The following NLRP9 variants were observed in gnomAD, a reference collection of about 807,000 sequenced individuals.
The protein encoded by NLRP9 is NLR family pyrin domain containing 9.
NLRP9 carries 88 observed loss-of-function variants against 83.1 expected under a neutral mutation model. That is an observed-to-expected ratio of 1.06 (90% CI 0.89 to 1.26). The LOEUF is 1.26. Among genes scored for constraint, NLRP9 ranks in the 50% most tolerant of loss-of-function variants. NLRP9 has a pLI of 0.00. For missense variants in NLRP9, 1,308 were observed against 1,179.3 expected (o/e 1.11, Z -1.60); for synonymous variants, 521 against 447.6 (o/e 1.16, Z -2.07).
chr19:55,731,887 C>G (rs1600141445), intron 2 of NLRP9, 112 bp downstream of exon 2: 3 of 661,538 alleles, frequency 4.5e-6, no homozygotes, highest in East Asian at 5.6e-5. Flanking sequence ...CTTTCTGACT[C>G]CGACCTCCAT....
rs140138279 is a variant in NLRP9 at position 55,719,290 on chromosome 19, T to A, written c.2160-2392A>T. ...ACCTCAGCCTCCCAACTAGCTGGGA[T>A]TACAGGCACCTGCCACCACACCCGG... On this transcript the variant is annotated intron_variant, in intron 4 of 8. Coordinates refer to ENST00000332836, the MANE Select transcript of NLRP9 (RefSeq NM_176820.4). 5.6e-4 allele frequency among the ~76,000 whole-genome samples: 86 copies of A among 152,280 alleles called. 1 individual carries two copies. The East Asian group carries it at 0.015, about 26-fold the overall frequency.
chr19:55,714,582 C>G (rs1223081662), intron 6 of NLRP9, among the ~76,000 whole-genome samples: 1 of 149,954 alleles, frequency 6.7e-6, no homozygotes, highest in Non-Finnish European at 1.5e-5. Flanking sequence ...ATAGCCTCAT[C>G]TGGATTTTTT....
chr19:55,711,857 G>T lies in NLRP9; in HGVS notation c.2786C>A (p.Ala929Glu). ...NLDWIALDAD[A>E]VVVLCEALSH... The stretch of plus-strand genomic sequence containing the variant: ...CAATGCCTCACACAGCACCACCACT[G>T]CATCAGCATCCAAGGCAATCCAGTC... Residue 929 changes from alanine (A) to glutamate (E), a missense_variant, in exon 8 of 9, where the codon GCA becomes GAA. Transcript: ENST00000332836. The T allele has an allele frequency of 1.9e-6, 3 of 1,613,378 alleles. No individual in the cohort carries two copies. Among genetic ancestry groups the T allele is most frequent in the Non-Finnish European group, 2.5e-6 (3 of 1,179,952 alleles).
At chr19:55,709,119 C>G (rs75752156) in intron 8 of NLRP9, 75 bp from the exon 9 acceptor site, 24,766 of 1,006,978 alleles carry the variant, frequency 0.025, 370 homozygotes, top group Non-Finnish European at 0.029. Flanking sequence ...ATTCTGATGT[C>G]TACCTCTCCT....
Position 55,708,761 on chromosome 19 carries a change from C to T in NLRP9, c.*151G>A. ...ATCAGCATGTACACTGAATCACACTCCATAATCATATTGCTAGAACACTTA... is the reference window on the plus strand; with the variant it reads ...ATCAGCATGTACACTGAATCACACTTCATAATCATATTGCTAGAACACTTA... On this transcript the variant is annotated 3_prime_UTR_variant, in exon 9 of 9. Coordinates refer to ENST00000332836, the MANE Select transcript of NLRP9 (RefSeq NM_176820.4). 1 of 556,046 alleles carries T rather than the reference C, an allele frequency of 1.8e-6. No homozygotes were observed. The allele number at this position is 556,046 out of a possible 1,614,324, so 34.4% of individuals were successfully genotyped here. A position where few individuals can be genotyped will look rare whatever the true frequency, so the allele number is the denominator to read the frequency against.
chr19:55,730,083 C>T, intron 2 of NLRP9, 91 bp from the exon 3 acceptor site: 1 of 1,180,194 alleles, frequency 8.5e-7, no homozygotes, highest in East Asian at 2.4e-5. Context: ...CAAAGCACCT[C>T]AAAGCTGACA....
At position 55,715,333 on chromosome 19, in the gene NLRP9, T is replaced by A. The variant is rs1472132590; in HGVS notation, c.2331-108A>T. On this transcript the variant is annotated intron_variant, in intron 5 of 8. Transcript: ENST00000332836. ...GAAGCTTCCTATGGTAATATTACCATATTTTCTTTGTCCCAGGCAAAACCT... is the reference window on the plus strand; with the variant it reads ...GAAGCTTCCTATGGTAATATTACCAAATTTTCTTTGTCCCAGGCAAAACCT... 4.2e-6 allele frequency: 4 copies of A among 960,394 alleles called. No homozygotes were observed. In the East Asian group the frequency reaches 8.1e-5, roughly 20 times the overall value. 59.5% of individuals were successfully genotyped at this position (960,394 alleles called of 1,614,324 possible). A position where few individuals can be genotyped will look rare whatever the true frequency, so the allele number is the denominator to read the frequency against.
chr19:55,713,838 G>A (rs1367093046), intron 6 of NLRP9, among the ~76,000 whole-genome samples: 1 of 42,378 alleles, frequency 2.4e-5, no homozygotes, highest in Non-Finnish European at 4.4e-5. Context: ...CTCCTGCCCC[G>A]ACTTCCATCC....
chr19:55,712,150 G>A (rs1987759443), intron 7 of NLRP9, among the ~76,000 whole-genome samples, 180 bp from the exon 8 acceptor site: 1 of 152,154 alleles, frequency 6.6e-6, no homozygotes, highest in African/African-American at 2.4e-5. Context: ...TATCCCAACT[G>A]AAGGTGCTGC....
intron 8 of NLRP9, chr19:55,711,515 G>C (rs764831007): frequency 7.5e-7 from 1 of 1,335,100 alleles, no homozygotes; most frequent in Non-Finnish European, 1.0e-6. Context: ...CTCACCTGGT[G>C]CAACTGTGTC....
Position 55,708,734 on chromosome 19 carries a change from C to T in NLRP9, c.*178G>A, listed in dbSNP as rs1600119929. The T allele has an allele frequency of 1.1e-5, 5 of 473,648 alleles. No homozygotes were observed. Among genetic ancestry groups the T allele is most frequent in the African/African-American group, 2.0e-5 (1 of 50,486 alleles). 29.3% of individuals were successfully genotyped at this position (473,648 alleles called of 1,614,324 possible). A position where few individuals can be genotyped will look rare whatever the true frequency, so the allele number is the denominator to read the frequency against. On this transcript the variant is annotated 3_prime_UTR_variant, in exon 9 of 9. Transcript: ENST00000332836. ...AGGGGATATAGGACCGAGGCAAAGA[C>T]AATCAGCATGTACACTGAATCACAC...
chr19:55,709,657 T>C (rs999272163), intron 8 of NLRP9: 4 of 152,272 alleles, frequency 2.6e-5, no homozygotes, highest in African/African-American at 9.6e-5. Flanking sequence ...AAATACATTC[T>C]ATCCTACTTA....
intron 5 of NLRP9, among the ~76,000 whole-genome samples, chr19:55,716,253 T>C (rs1988004695): frequency 6.9e-6 from 1 of 144,632 alleles, no homozygotes; most frequent in Non-Finnish European, 1.5e-5. Context: ...AATTTAAAAA[T>C]TTTCTTTTTT....
In NLRP9 at chr19:55,728,486, C is replaced by T. The variant is rs111738950; in HGVS notation, c.1994+1345G>A. ...ACTCGGGAGACTGAGGCAGGAGAAT[C>T]GCTTGAACCCGGGAGGTGGAGGTTG... On this transcript the variant is annotated intron_variant, in intron 3 of 8. Transcript: ENST00000332836. 5.3e-5 allele frequency among the ~76,000 whole-genome samples: 8 copies of T among 152,070 alleles called. No individual in the cohort carries two copies. In the East Asian group the frequency reaches 1.4e-3, roughly 26 times the overall value.
Position 55,723,519 on chromosome 19 carries a change from G to A in NLRP9, c.2159+461C>T, listed in dbSNP as rs77417230. ...AGGCGGGCAGATTGGTTGAGACCAC[G>A]AGTGCAAGATCAGCCGGGGCAATAT... On this transcript the variant is annotated intron_variant, in intron 4 of 8. Transcript: ENST00000332836. Among the ~76,000 whole-genome samples the A allele has an allele frequency of 6.2e-3, 941 of 152,120 alleles. 7 individuals are homozygous for A. Among genetic ancestry groups the A allele is most frequent in the Admixed American group, 0.017 (252 of 15,262 alleles).
intron 6 of NLRP9, among the ~76,000 whole-genome samples, chr19:55,714,403 C>T (rs992869035): frequency 2.0e-5 from 3 of 152,084 alleles, no homozygotes; most frequent in Admixed American, 2.0e-4. Flanking sequence ...TCTAGCTATC[C>T]TCTCATTACC....
chr19:55,733,726 CAT>C (rs1276763711), intron 1 of NLRP9, among the ~76,000 whole-genome samples, 176 bp from the exon 2 acceptor site: 1 of 152,126 alleles, frequency 6.6e-6, no homozygotes, highest in African/African-American at 2.4e-5. Context: ...GGGGGTCAGA[CAT>C]ACTTCCTTGT....
At chr19:55,712,678 G>T (rs1442543021) in intron 6 of NLRP9, 88 bp from the exon 7 acceptor site, 3 of 1,017,660 alleles carry the variant, frequency 2.9e-6, no homozygotes, top group Admixed American at 2.2e-5. Context: ...TATGACGCAA[G>T]AAATACCCAA....
At chr19:55,710,907 G>A (rs867292010) in intron 8 of NLRP9, among the ~76,000 whole-genome samples, 1 of 152,060 alleles carries the variant, frequency 6.6e-6, no homozygotes. Context: ...CCAACATGGT[G>A]AAACCCCGTC....
Sources: allele counts gnomAD v4.1 joint callset (sites outside exome capture counted in the v4.1 genomes callset), GRCh38; gene constraint gnomAD v4.1.1; transcripts MANE v1.5; gene names NCBI Gene and HGNC (gene_info 2026-07-23, HGNC 2026-07-21).